Variants in MEP1A observed in about 807,000 individuals in gnomAD.
MEP1A encodes the protein N-benzoyl-L-tyrosyl-P-amino-benzoic acid hydrolase subunit alpha.
Under a neutral mutation model 84.5 loss-of-function variants are expected in MEP1A, and 68 were observed. That is an observed-to-expected ratio of 0.80 (90% CI 0.66 to 0.98). The LOEUF (loss-of-function observed/expected upper bound fraction) is 0.98. MEP1A is among the 50% of genes least tolerant of loss of function. The pLI, the probability that MEP1A is intolerant of heterozygous loss-of-function variation, is 0.00. For missense variants in MEP1A, 887 were observed against 919.9 expected, an observed-to-expected ratio of 0.96 and a Z score of 0.46; for synonymous variants, 337 against 336.8, an observed-to-expected ratio of 1.00 and a Z score of -0.01.
downstream of MEP1A, chr6:46,839,919 A>ATGT (rs1768303766): frequency 6.6e-6 from 1 of 152,132 alleles, no homozygotes; most frequent in Non-Finnish European, 1.5e-5. Context: ...TTATCATATT[A>ATGT]ACAAACTGAA....
intron 9 of MEP1A, among the ~76,000 whole-genome samples, chr6:46,827,868 GA>G (rs1339108150): frequency 6.6e-6 from 1 of 152,104 alleles, no homozygotes; most frequent in Non-Finnish European, 1.5e-5. Context: ...GGAATCTGCT[GA>G]AAAAATGTTC....
At chr6:46,816,485 G>A (rs1767638102) in intron 6 of MEP1A, among the ~76,000 whole-genome samples, 1 of 151,876 alleles carries the variant, frequency 6.6e-6, no homozygotes, top group Admixed American at 6.6e-5. Flanking sequence ...GAAGCATCAG[G>A]GAGAGTTGAG....
intron 6 of MEP1A, among the ~76,000 whole-genome samples, chr6:46,817,339 A>G (rs183084118): frequency 1.9e-3 from 294 of 152,308 alleles, no homozygotes; most frequent in African/African-American, 6.6e-3. Flanking sequence ...ATCTTACTGC[A>G]TGTGTTTTAT....
At chr6:46,797,617 T>C (rs1330874202) in intron 3 of MEP1A, among the ~76,000 whole-genome samples, 3 of 152,032 alleles carry the variant, frequency 2.0e-5, no homozygotes, top group African/African-American at 4.8e-5. Flanking sequence ...CTCATTTACT[T>C]TGGGACAAGA....
intron 7 of MEP1A, among the ~76,000 whole-genome samples, chr6:46,822,536 C>T (rs1403278001): frequency 6.6e-6 from 1 of 152,058 alleles, no homozygotes; most frequent in Non-Finnish European, 1.5e-5. Context: ...TCTATTCTAA[C>T]CTGATGGGAT....
At chr6:46,844,063 T>A (rs1271726190), downstream of MEP1A, among the ~76,000 whole-genome samples, 3 of 152,242 alleles carry the variant, frequency 2.0e-5, no homozygotes, top group Non-Finnish European at 4.4e-5. Context: ...ATTAGTCACC[T>A]ACTCAAATTT....
chr6:46,835,560 T>C lies in MEP1A; in HGVS notation c.2084+11T>C, dbSNP rs779319017. 2 of 1,612,502 alleles carry C rather than the reference T, an allele frequency of 1.2e-6. No homozygotes were observed. Among genetic ancestry groups the C allele is most frequent in the African/African-American group, 2.7e-5 (2 of 74,898 alleles). The stretch of plus-strand genomic sequence containing the variant: ...GATGGCGAGCTGCAGGTAGGCTCTG[T>C]GGCTGGGGAGACAGGCAGGCCAGCA... On this transcript the variant is annotated intron_variant, in intron 13 of 13. Transcript: ENST00000230588.
chr6:46,819,736 A>G (rs1767725057), intron 7 of MEP1A, 32 bp downstream of exon 7: 3 of 1,602,828 alleles, frequency 1.9e-6, no homozygotes, highest in Non-Finnish European at 2.6e-6. Flanking sequence ...TATCACATTT[A>G]TCACTGGCTG....
intron 13 of MEP1A, 107 bp downstream of exon 13, chr6:46,835,656 G>T: frequency 1.7e-6 from 2 of 1,178,752 alleles, no homozygotes; most frequent in Non-Finnish European, 2.4e-6. Flanking sequence ...GACTACCTCA[G>T]ATGGTCAACT....
At chr6:46,803,942 C>G (rs1254562911) in intron 5 of MEP1A, among the ~76,000 whole-genome samples, 1 of 151,574 alleles carries the variant, frequency 6.6e-6, no homozygotes, top group Non-Finnish European at 1.5e-5. Flanking sequence ...AGTATAATTC[C>G]ATTTATACCC....
intron 10 of MEP1A, among the ~76,000 whole-genome samples, chr6:46,831,049 T>C (rs965380111): frequency 1.3e-5 from 2 of 152,236 alleles, no homozygotes; most frequent in African/African-American, 4.8e-5. Context: ...TTTAGTTTCT[T>C]ACACTGCTGT....
intron 7 of MEP1A, among the ~76,000 whole-genome samples, chr6:46,822,431 AC>A (rs1250016812): frequency 1.3e-5 from 2 of 152,192 alleles, no homozygotes. Flanking sequence ...ACTAGGCCCA[AC>A]AAAAACATGT....
At chr6:46,835,148 T>C (rs1303944545) in intron 12 of MEP1A, 101 bp from the exon 13 acceptor site, 6 of 1,025,842 alleles carry the variant, frequency 5.8e-6, no homozygotes, top group Non-Finnish European at 8.5e-6. Flanking sequence ...CTAGGGGTGA[T>C]GGGAGATAGA....
intron 5 of MEP1A, among the ~76,000 whole-genome samples, chr6:46,806,180 T>C (rs1319369823): frequency 6.6e-6 from 1 of 152,074 alleles, no homozygotes; most frequent in East Asian, 1.9e-4. Context: ...AACATTTTAG[T>C]CACCTTGGGG....
intron 5 of MEP1A, among the ~76,000 whole-genome samples, chr6:46,803,827 C>T (rs2150741853): frequency 6.6e-6 from 1 of 151,510 alleles, no homozygotes; most frequent in East Asian, 1.9e-4. Context: ...ATAGATACTT[C>T]ATAATTTATC....
chr6:46,816,087 C>A (rs368079139), intron 6 of MEP1A, among the ~76,000 whole-genome samples: 5 of 152,128 alleles, frequency 3.3e-5, no homozygotes, highest in African/African-American at 1.2e-4. Context: ...CAGGCGTGTG[C>A]CACCATGCTT....
At chr6:46,827,547 G>T (rs9463252) in intron 9 of MEP1A, among the ~76,000 whole-genome samples, 3 of 152,100 alleles carry the variant, frequency 2.0e-5, no homozygotes, top group Non-Finnish European at 4.4e-5. Flanking sequence ...CACTTAGTCC[G>T]TAACTGTCTG....
chr6:46,829,660 C>T, intron 10 of MEP1A, 89 bp downstream of exon 10: 4 of 913,690 alleles, frequency 4.4e-6, no homozygotes, highest in Non-Finnish European at 7.2e-6. Context: ...TCCTACTCCT[C>T]CTTCTTCTCT....
chr6:46,810,175 C>T (rs895136876), intron 6 of MEP1A, among the ~76,000 whole-genome samples: 3 of 151,740 alleles, frequency 2.0e-5, no homozygotes, highest in Non-Finnish European at 2.9e-5. Flanking sequence ...AGAGTAAGGT[C>T]GTATCACATT....
Sources: allele counts gnomAD v4.1 joint callset (sites outside exome capture counted in the v4.1 genomes callset), GRCh38; gene constraint gnomAD v4.1.1; transcripts MANE v1.5; gene names NCBI Gene and HGNC (gene_info 2026-07-23, HGNC 2026-07-21).